Variants in RERE observed in about 807,000 individuals in gnomAD.
RERE encodes arginine-glutamic acid dipeptide repeats protein.
In RERE, 40 loss-of-function variants were observed where a neutral mutation model predicts 146.1. The ratio of observed to expected loss-of-function variants is 0.27; its 90% CI spans 0.21 to 0.36. The LOEUF is 0.36. RERE is among the 10% of genes least tolerant of loss of function. RERE has a pLI of 1.00. For missense variants in RERE, 1,933 were observed against 2,138.7 expected (o/e 0.90, Z 1.90); for synonymous variants, 1,003 against 866.0 (o/e 1.16, Z -2.78).
chr1:8,787,772 A>G (rs1641285113), intron 1 of RERE, among the ~76,000 whole-genome samples: 1 of 149,070 alleles, frequency 6.7e-6, no homozygotes, highest in African/African-American at 2.5e-5. Context: ...CAGAGGTTGC[A>G]GTGAGCCGAG....
In RERE at chr1:8,356,174, G is replaced by A. The variant is rs768690444; in HGVS notation, c.4412C>T (p.Pro1471Leu). 2.0e-6 allele frequency: 3 copies of A among 1,522,340 alleles called. No individual in the cohort carries two copies. The highest frequency in any genetic ancestry group is 1.5e-5 in the African/African-American group (1 of 68,500). The allele number at this position is 1,522,340 out of a possible 1,614,324, so 94.3% of individuals were successfully genotyped here. Residue 1471 changes from proline (P) to leucine (L), a missense_variant, in exon 21 of 23, where the codon CCG becomes CTG. Transcript: ENST00000400908. This position sits in a 1 kb window ranked among gnomAD's most constrained non-coding sequence, Gnocchi z 5.2. ...CAGAGGGTTGGGGAGAGTGCCAGGC[G>A]GGTAGGGGAAGCGAGCCAGGTGGGG... ...AGPHLARFPY[P>L]PGTLPNPLLG... is the part of the protein sequence containing the mutation.
Position 8,710,587 on chromosome 1 carries a change from C to T in RERE, c.-144-54146G>A, listed in dbSNP as rs373639299. ...AGGCTGATGTGCAGTAGCATGATCT[C>T]GGCTCATTGCAAGCTCCGCCTCCCA... On this transcript the variant is annotated intron_variant, in intron 1 of 22. Coordinates refer to ENST00000400908, the MANE Select transcript of RERE (RefSeq NM_001042681.2). Among the ~76,000 whole-genome samples, 21 of 152,312 alleles carry T rather than the reference C, an allele frequency of 1.4e-4. No homozygotes were observed. In the East Asian group the frequency reaches 1.9e-3, roughly 14 times the overall value.
rs1332609339 is a variant in RERE at position 8,414,500 on chromosome 1, G to A, written c.1284+8227C>T. 3.9e-5 allele frequency among the ~76,000 whole-genome samples: 6 copies of A among 152,128 alleles called. No individual in the cohort carries two copies. In the East Asian group the frequency reaches 9.6e-4, roughly 24 times the overall value. On this transcript the variant is annotated intron_variant, in intron 12 of 22. Coordinates refer to ENST00000400908, the MANE Select transcript of RERE (RefSeq NM_001042681.2). ...GAACCCGGGAGGTGGAGGTTGCGGT[G>A]AGCTGAGATCGCGCCACTGCACTCC...
chr1:8,395,082 GT>G (rs1233079982), intron 12 of RERE, among the ~76,000 whole-genome samples: 1 of 152,158 alleles, frequency 6.6e-6, no homozygotes, highest in Non-Finnish European at 1.5e-5. Context: ...TTCAGATAAG[GT>G]GTCTAGTATT....
At chr1:8,562,477 AGTTT>A (rs59739710) in intron 4 of RERE, among the ~76,000 whole-genome samples, 122,367 of 150,750 alleles carry the variant, frequency 0.81, 49,927 homozygotes, top group East Asian at 0.94. Context: ...ACTTCTCACC[AGTTT>A]GTTTGTTTGT....
At chr1:8,409,118 T>A (rs1322133270) in intron 12 of RERE, among the ~76,000 whole-genome samples, 5 of 152,358 alleles carry the variant, frequency 3.3e-5, no homozygotes, top group Non-Finnish European at 7.4e-5. Context: ...GAAAAGAGAC[T>A]GTGCCGTTTT....
intron 10 of RERE, among the ~76,000 whole-genome samples, chr1:8,484,253 A>G (rs1426782753): frequency 2.0e-5 from 3 of 152,182 alleles, no homozygotes; most frequent in Non-Finnish European, 4.4e-5. Context: ...CATGTTATAT[A>G]GCATGATGTT....
intron 2 of RERE, among the ~76,000 whole-genome samples, chr1:8,641,141 C>A (rs1054117218): frequency 6.6e-6 from 1 of 152,160 alleles, no homozygotes; most frequent in Non-Finnish European, 1.5e-5. Flanking sequence ...ACACATGGGT[C>A]AATGTCAAAT....
intron 1 of RERE, among the ~76,000 whole-genome samples, chr1:8,797,618 A>G (rs1261177201): frequency 2.6e-5 from 4 of 152,212 alleles, no homozygotes; most frequent in Non-Finnish European, 5.9e-5. Flanking sequence ...TTACCTTAGA[A>G]GCCTTTTTCA....
intron 1 of RERE, among the ~76,000 whole-genome samples, chr1:8,774,227 G>A (rs148512729): frequency 1.2e-3 from 184 of 151,578 alleles, no homozygotes; most frequent in African/African-American, 4.2e-3. Flanking sequence ...AACTGTACCT[G>A]TCTTTCTTTG....
At chr1:8,456,699 G>A (rs941694959) in intron 11 of RERE, among the ~76,000 whole-genome samples, 2 of 152,072 alleles carry the variant, frequency 1.3e-5, no homozygotes, top group African/African-American at 4.8e-5. Flanking sequence ...CATCCACTCC[G>A]GGGCATCTTT....
chr1:8,427,636 T>TA (rs1240806169), intron 11 of RERE, among the ~76,000 whole-genome samples: 1 of 75,796 alleles, frequency 1.3e-5, no homozygotes, highest in Admixed American at 1.5e-4. Context: ...TGGCCCCACT[T>TA]TAAAAAAAAA....
At chr1:8,587,854 G>A (rs1341399998) in intron 4 of RERE, among the ~76,000 whole-genome samples, 1 of 152,124 alleles carries the variant, frequency 6.6e-6, no homozygotes, top group Admixed American at 6.6e-5. Context: ...CACCTTAAAA[G>A]CTCGTACTTT....
At chr1:8,791,050 C>T (rs1641355119) in intron 1 of RERE, among the ~76,000 whole-genome samples, 1 of 152,118 alleles carries the variant, frequency 6.6e-6, no homozygotes, top group African/African-American at 2.4e-5. Flanking sequence ...TAAAAGACAA[C>T]AAAACATACA....
chr1:8,782,227 CA>C (rs1641178783), intron 1 of RERE, among the ~76,000 whole-genome samples: 1 of 152,046 alleles, frequency 6.6e-6, no homozygotes, highest in African/African-American at 2.4e-5. Flanking sequence ...TGATTTTTAG[CA>C]GATTTTTGAC....
chr1:8,441,660 TA>T (rs1644250112), intron 11 of RERE, among the ~76,000 whole-genome samples: 4 of 152,212 alleles, frequency 2.6e-5, no homozygotes, highest in Non-Finnish European at 5.9e-5. Flanking sequence ...TTGGCATTAT[TA>T]TGGAAAGAAT....
chr1:8,448,201 CTATTATCAGTATCTGGG>C (rs1437391248), intron 11 of RERE, among the ~76,000 whole-genome samples: 1 of 152,118 alleles, frequency 6.6e-6, no homozygotes, highest in Non-Finnish European at 1.5e-5. Context: ...ATGACGTTTC[CTATTATCAGTATCTGGG>C]CCTTTCAGAG....
At chr1:8,550,090 C>T (rs1167572218) in intron 6 of RERE, among the ~76,000 whole-genome samples, 1 of 152,270 alleles carries the variant, frequency 6.6e-6, no homozygotes, top group East Asian at 1.9e-4. Context: ...GATAACTGTA[C>T]TATAGTTGTA....
chr1:8,781,195 A>C (rs1256635036), intron 1 of RERE, among the ~76,000 whole-genome samples: 1 of 152,048 alleles, frequency 6.6e-6, no homozygotes, highest in Non-Finnish European at 1.5e-5. Flanking sequence ...GTCTCTACTA[A>C]AAATACAAAA....
Sources: gnomAD v4.1 joint callset for allele counts (sites outside exome capture counted in the v4.1 genomes callset) on GRCh38, gnomAD v4.1.1 for gene constraint, Gnocchi (gnomAD v3.1) non-coding constraint, MANE v1.5 for transcripts, NCBI Gene and HGNC (gene_info 2026-07-23, HGNC 2026-07-21) for gene names.